Variants in MYOF observed in about 807,000 individuals in gnomAD.
MYOF encodes the protein myoferlin.
Under a neutral mutation model 284.2 loss-of-function variants are expected in MYOF, and 244 were observed. The ratio of observed to expected loss-of-function variants is 0.86; its 90% CI spans 0.77 to 0.95. The LOEUF is 0.95. MYOF is among the 40% of genes least tolerant of loss of function. The pLI, the probability that MYOF is intolerant of heterozygous loss-of-function variation, is 0.00. For missense variants in MYOF, 2,496 were observed against 2,560.6 expected (o/e 0.97, Z 0.54); for synonymous variants, 904 against 919.7 (o/e 0.98, Z 0.31).
chr10:93,362,963 A>G (rs1845145895), intron 27 of MYOF, among the ~76,000 whole-genome samples: 1 of 152,238 alleles, frequency 6.6e-6, no homozygotes, highest in African/African-American at 2.4e-5. Context: ...TCATAAACAT[A>G]CAAAAATGTA....
At chr10:93,325,265 T>C (rs1489426515) in intron 46 of MYOF, among the ~76,000 whole-genome samples, 2 of 152,186 alleles carry the variant, frequency 1.3e-5, no homozygotes, top group African/African-American at 4.8e-5. Context: ...CTGTGGAAAC[T>C]GCTCTCCATC....
chr10:93,377,014 G>A (rs1391962581), intron 22 of MYOF, among the ~76,000 whole-genome samples: 2 of 152,188 alleles, frequency 1.3e-5, no homozygotes. Flanking sequence ...GGGTTGATGA[G>A]AAGCAGAGGC....
rs1396346175 is a variant in MYOF, at chr10:93,399,447, G to C, written c.1166C>G (p.Ala389Gly). ...QTVKEIFGGN[A>G]DKKNLVDPFV... ...AGGATCCACGAGATTTTTCTTATCT[G>C]CATTGCCTCCAAATATTTCCTTTAC... Residue 389 changes from alanine (A) to glycine (G), a missense_variant, in exon 13 of 54, where the codon GCA (alanine) becomes GGA (glycine). This residue lies in a region of MYOF where 2,436 missense variants were observed against 2,480.7 expected (regional missense o/e 0.98). Coordinates refer to ENST00000359263, the MANE Select transcript of MYOF (RefSeq NM_013451.4). 6 of 1,613,754 alleles carry C rather than the reference G, an allele frequency of 3.7e-6. No homozygotes were observed. Among genetic ancestry groups the C allele is most frequent in the Non-Finnish European group, 5.1e-6 (6 of 1,179,870 alleles).
At chr10:93,376,387 C>A (rs561109216) in intron 22 of MYOF, among the ~76,000 whole-genome samples, 3 of 152,130 alleles carry the variant, frequency 2.0e-5, no homozygotes, top group Non-Finnish European at 4.4e-5. Context: ...AGTTGGCAAA[C>A]CCAGCTCTGG....
chr10:93,318,889 A>C (rs1405537987), intron 49 of MYOF, among the ~76,000 whole-genome samples: 1 of 152,122 alleles, frequency 6.6e-6, no homozygotes, highest in Non-Finnish European at 1.5e-5. Context: ...AAGCTGACAG[A>C]ATGTGGAGGC....
chr10:93,314,813 C>T (rs993926625), intron 50 of MYOF, among the ~76,000 whole-genome samples: 2 of 152,086 alleles, frequency 1.3e-5, no homozygotes, highest in Non-Finnish European at 2.9e-5. Flanking sequence ...TATTGGGAGG[C>T]CGAGGTGGGC....
Position 93,482,229 on chromosome 10 carries a change from C to A in MYOF, c.-35G>T, listed in dbSNP as rs882873. 0.17 allele frequency: 270,013 copies of A among 1,586,728 alleles called. 26,271 individuals are homozygous for A. Among genetic ancestry groups the A allele is most frequent in the East Asian group, 0.51 (22,551 of 44,284 alleles). On this transcript the variant is annotated 5_prime_UTR_variant, in exon 1 of 54. Coordinates refer to ENST00000359263, the MANE Select transcript of MYOF (RefSeq NM_013451.4). The stretch of plus-strand genomic sequence containing the variant: ...CTGGTAGAAAGCAAGTTTCAGCAAA[C>A]GAAGTGGAGACTAGGGCGCTGGAGC...
intron 1 of MYOF, among the ~76,000 whole-genome samples, chr10:93,468,046 C>T (rs573966414): frequency 6.6e-6 from 1 of 152,296 alleles, no homozygotes; most frequent in Non-Finnish European, 1.5e-5. Context: ...TACCATCTGC[C>T]AGGCACTCTT....
chr10:93,439,024 G>C (rs188454482), intron 3 of MYOF, among the ~76,000 whole-genome samples: 47 of 152,272 alleles, frequency 3.1e-4, no homozygotes, highest in African/African-American at 1.1e-3. Flanking sequence ...CACAAGTCTC[G>C]CCTCTACTTT....
intron 27 of MYOF, 59 bp downstream of exon 27, chr10:93,363,902 C>T: frequency 6.6e-7 from 1 of 1,516,956 alleles, no homozygotes; most frequent in South Asian, 1.2e-5. Context: ...TGCTGGGTTC[C>T]CCGCAGATCA....
chr10:93,379,122 A>G (rs1365182185), intron 21 of MYOF, among the ~76,000 whole-genome samples: 1 of 152,118 alleles, frequency 6.6e-6, no homozygotes, highest in Non-Finnish European at 1.5e-5. Flanking sequence ...CACAGATATC[A>G]TATGTATGCA....
At chr10:93,348,980 T>A (rs1483521887) in intron 36 of MYOF, among the ~76,000 whole-genome samples, 3 of 151,972 alleles carry the variant, frequency 2.0e-5, no homozygotes, top group Admixed American at 6.5e-5. Flanking sequence ...TCCTCTGTAA[T>A]GTAAAATAAG....
chr10:93,343,918 C>A lies in MYOF; in HGVS notation c.4264G>T (p.Ala1422Ser). The stretch of plus-strand genomic sequence containing the variant: ...ATAACGATGTCCCGGCATGGTGGGG[C>A]AGACAGAAGGGAGGCTGCAAGACAA... ...VPQLKASLLS[A>S]PPCRDIVIEM... The change falls in exon 38 of 54, where the codon GCC becomes TCC. Residue 1422 changes from alanine (A) to serine (S), a missense_variant. This residue lies in a region of MYOF where 2,436 missense variants were observed against 2,480.7 expected (regional missense o/e 0.98). Coordinates refer to ENST00000359263, the MANE Select transcript of MYOF (RefSeq NM_013451.4). The A allele has an allele frequency of 6.2e-7, 1 of 1,614,098 alleles. No homozygotes were observed. The highest frequency in any genetic ancestry group is 8.5e-7 in the Non-Finnish European group (1 of 1,179,998).
chr10:93,388,213 G>T (rs983193442), intron 18 of MYOF, among the ~76,000 whole-genome samples: 2 of 147,816 alleles, frequency 1.4e-5, no homozygotes, highest in South Asian at 2.2e-4. Context: ...GTTTGTGGAG[G>T]CTGGGAGGTG....
intron 24 of MYOF, among the ~76,000 whole-genome samples, chr10:93,371,742 T>TA (rs11439451): frequency 0.32 from 47,851 of 151,862 alleles, 8,680 homozygotes; most frequent in East Asian, 0.86. Flanking sequence ...CCTTTTTTTT[T>TA]AAAGTATAAA....
intron 1 of MYOF, among the ~76,000 whole-genome samples, chr10:93,465,000 C>T (rs2056970067): frequency 6.6e-6 from 1 of 152,188 alleles, no homozygotes; most frequent in Non-Finnish European, 1.5e-5. Context: ...CTGAACCACA[C>T]CCATACATGG....
At chr10:93,468,537 C>T (rs76726318) in intron 1 of MYOF, among the ~76,000 whole-genome samples, 4,220 of 152,330 alleles carry the variant, frequency 0.028, 175 homozygotes, top group African/African-American at 0.095. Flanking sequence ...ATAAAATAGT[C>T]ACTTAAAACA....
At chr10:93,354,617 A>G (rs1339677269) in intron 31 of MYOF, among the ~76,000 whole-genome samples, 1 of 146,622 alleles carries the variant, frequency 6.8e-6, no homozygotes, top group Non-Finnish European at 1.5e-5. Flanking sequence ...CAAAATATTC[A>G]TACTCCTTTT....
chr10:93,331,273 C>A (rs1704285525), intron 43 of MYOF, among the ~76,000 whole-genome samples: 1 of 152,086 alleles, frequency 6.6e-6, no homozygotes, highest in Non-Finnish European at 1.5e-5. Context: ...GAAAGCTACC[C>A]CCTAAGACTG....
Sources: gnomAD v4.1 joint callset for allele counts (sites outside exome capture counted in the v4.1 genomes callset) on GRCh38, gnomAD v4.1.1 for gene constraint, gnomAD v4.1.1 regional missense constraint, MANE v1.5 for transcripts, NCBI Gene and HGNC (gene_info 2026-07-23, HGNC 2026-07-21) for gene names.